The following PTPRM variants were observed in gnomAD, a reference collection of about 807,000 sequenced individuals.
PTPRM encodes protein tyrosine phosphatase receptor type M.
A neutral mutation model predicts 186.7 loss-of-function variants in PTPRM; 47 were observed. That is an observed-to-expected ratio of 0.25 (90% CI 0.20 to 0.32). The LOEUF (loss-of-function observed/expected upper bound fraction) is 0.32. Among genes scored for constraint, PTPRM ranks in the 10% least tolerant of loss-of-function variants. PTPRM has a pLI of 1.00. For missense variants in PTPRM, 1,494 were observed against 1,865.0 expected (o/e 0.80, Z 3.66); for synonymous variants, 668 against 674.9 (o/e 0.99, Z 0.16).
intron 6 of PTPRM, among the ~76,000 whole-genome samples, chr18:7,952,565 G>A (rs927741950): frequency 4.0e-5 from 6 of 151,860 alleles, no homozygotes; most frequent in Non-Finnish European, 8.8e-5. Flanking sequence ...GCATGGTGGC[G>A]GGCGCCTGTA....
chr18:7,780,610 C>T (rs1040179795), intron 2 of PTPRM, among the ~76,000 whole-genome samples: 2 of 152,128 alleles, frequency 1.3e-5, no homozygotes, highest in African/African-American at 4.8e-5. Flanking sequence ...GTTCGTGGAA[C>T]GACTACTATG....
At chr18:8,153,595 C>G (rs923847623) in intron 14 of PTPRM, among the ~76,000 whole-genome samples, 2 of 152,140 alleles carry the variant, frequency 1.3e-5, no homozygotes, top group African/African-American at 2.4e-5. Flanking sequence ...CTCAGAAATA[C>G]AAAACTTGCT....
At chr18:8,360,295 C>T (rs1199585757) in intron 23 of PTPRM, among the ~76,000 whole-genome samples, 2 of 152,168 alleles carry the variant, frequency 1.3e-5, no homozygotes, top group African/African-American at 4.8e-5. Flanking sequence ...CAGAGAAAGA[C>T]AGCAACTTAT....
intron 7 of PTPRM, among the ~76,000 whole-genome samples, chr18:7,975,864 G>A (rs1336829431): frequency 6.6e-6 from 1 of 152,074 alleles, no homozygotes; most frequent in Non-Finnish European, 1.5e-5. Context: ...ACCTAAAGAT[G>A]TTTTTCTTAG....
At chr18:8,205,768 A>G (rs1568518990) in intron 14 of PTPRM, among the ~76,000 whole-genome samples, 1 of 152,146 alleles carries the variant, frequency 6.6e-6, no homozygotes, top group Non-Finnish European at 1.5e-5. Flanking sequence ...AAATAATCTT[A>G]TCTAGTTGCA....
chr18:7,794,560 C>G (rs992525117), intron 2 of PTPRM, among the ~76,000 whole-genome samples: 1 of 152,092 alleles, frequency 6.6e-6, no homozygotes, highest in East Asian at 1.9e-4. Context: ...TCCACATTAT[C>G]TTCCAAAAAG....
At chr18:7,813,415 C>T (rs780200277) in intron 2 of PTPRM, among the ~76,000 whole-genome samples, 7 of 152,164 alleles carry the variant, frequency 4.6e-5, no homozygotes, top group African/African-American at 1.2e-4. Flanking sequence ...CTGGGCTCTC[C>T]GTCCATGCTG....
chr18:8,003,265 C>T (rs906108913), intron 7 of PTPRM, among the ~76,000 whole-genome samples: 6 of 152,194 alleles, frequency 3.9e-5, no homozygotes, highest in African/African-American at 7.2e-5. Context: ...TTCCCCTGCA[C>T]AAGCTCCCTC....
At chr18:7,705,361 GTC>G (rs959608745) in intron 1 of PTPRM, among the ~76,000 whole-genome samples, 2 of 149,176 alleles carry the variant, frequency 1.3e-5, no homozygotes, top group Admixed American at 6.7e-5. Context: ...CTATCTTTCT[GTC>G]TCTCTCTCTC....
At chr18:8,139,778 C>T (rs1347563575) in intron 13 of PTPRM, among the ~76,000 whole-genome samples, 1 of 148,692 alleles carries the variant, frequency 6.7e-6, no homozygotes, top group African/African-American at 2.5e-5. Context: ...TAATAGCTGC[C>T]TTGCCTTCAC....
intron 14 of PTPRM, among the ~76,000 whole-genome samples, chr18:8,182,400 T>C (rs1221834353): frequency 6.6e-6 from 1 of 152,158 alleles, no homozygotes; most frequent in Non-Finnish European, 1.5e-5. Flanking sequence ...ATCTCATGTA[T>C]TTTGAAATAA....
chr18:8,262,226 C>T (rs564677855), intron 19 of PTPRM, among the ~76,000 whole-genome samples: 1 of 152,178 alleles, frequency 6.6e-6, no homozygotes, highest in East Asian at 1.9e-4. Flanking sequence ...TCTGTGCCAT[C>T]GGAAGAGTCC....
intron 4 of PTPRM, among the ~76,000 whole-genome samples, chr18:7,912,186 T>A (rs2050309431): frequency 6.6e-6 from 1 of 152,134 alleles, no homozygotes; most frequent in Non-Finnish European, 1.5e-5. Context: ...GTCTATGAGC[T>A]ATTTGAGTTA....
At chr18:7,926,802 A>T (rs1463082625) in intron 5 of PTPRM, 119 bp downstream of exon 5, 2 of 558,826 alleles carry the variant, frequency 3.6e-6, no homozygotes, top group Non-Finnish European at 5.8e-6. Flanking sequence ...TTCTTTGTTA[A>T]TAAGTAGCCA....
chr18:7,691,204 A>G (rs2039725454), intron 1 of PTPRM, among the ~76,000 whole-genome samples: 1 of 152,208 alleles, frequency 6.6e-6, no homozygotes, highest in Non-Finnish European at 1.5e-5. Context: ...GCGTTTGGAA[A>G]TATTGGAAGC....
At chr18:8,206,439 G>A (rs901723117) in intron 14 of PTPRM, among the ~76,000 whole-genome samples, 12 of 151,908 alleles carry the variant, frequency 7.9e-5, no homozygotes, top group Non-Finnish European at 1.5e-5. Flanking sequence ...TAGTAGAGAC[G>A]GGGTTTCACC....
rs562519637 is a variant in PTPRM, at chr18:7,739,250, A to T, written c.74-34899A>T. 2.0e-5 allele frequency among the ~76,000 whole-genome samples: 3 copies of T among 152,238 alleles called. No homozygotes were observed. The East Asian group carries it at 5.8e-4, about 29-fold the overall frequency. ...AACCACAGTAAAGTGGTCGACGTTG[A>T]GTTCTTTGACAACTTCTCATGTAGT... On this transcript the variant is annotated intron_variant, in intron 1 of 32. Transcript: ENST00000580170.
chr18:7,950,223 C>T (rs2052846155), intron 6 of PTPRM, among the ~76,000 whole-genome samples: 1 of 152,052 alleles, frequency 6.6e-6, no homozygotes, highest in South Asian at 2.1e-4. Context: ...ATTGAGACTC[C>T]ACCTCTACAA....
At chr18:8,032,352 C>T (rs1396104459) in intron 7 of PTPRM, among the ~76,000 whole-genome samples, 1 of 152,158 alleles carries the variant, frequency 6.6e-6, no homozygotes, top group Admixed American at 6.5e-5. Context: ...CACAGTCCAA[C>T]ATAACGTTTC....
Sources: gnomAD v4.1 joint callset for allele counts (sites outside exome capture counted in the v4.1 genomes callset) on GRCh38, gnomAD v4.1.1 for gene constraint, MANE v1.5 for transcripts, NCBI Gene and HGNC (gene_info 2026-07-23, HGNC 2026-07-21) for gene names.